GAB2: variants seen among roughly 807,000 people sequenced by gnomAD.
GAB2 encodes GRB2 associated binding protein 2.
GAB2 carries 26 observed loss-of-function variants against 65.5 expected under a neutral mutation model. That is an observed-to-expected ratio of 0.40 (90% confidence interval 0.29 to 0.55). GAB2 has a LOEUF of 0.55. Among genes scored for constraint, GAB2 ranks in the 20% least tolerant of loss-of-function variants. The pLI is 0.53. For synonymous variants in GAB2, 321 were observed against 329.6 expected (o/e 0.97, Z 0.28); for missense variants, 884 against 875.8 (o/e 1.01, Z -0.12).
At chr11:78,366,361 C>A (rs184354425) in intron 1 of GAB2, among the ~76,000 whole-genome samples, 1,865 of 152,118 alleles carry the variant, frequency 0.012, 32 homozygotes, top group African/African-American at 0.042. Context: ...AGGTGGATCA[C>A]CTGAGGTCAG....
chr11:78,305,073 T>C (rs1371056533), intron 1 of GAB2, among the ~76,000 whole-genome samples: 1 of 152,238 alleles, frequency 6.6e-6, no homozygotes, highest in African/African-American at 2.4e-5. Flanking sequence ...GAATGCCAAC[T>C]GAGGACTCAG....
Position 78,223,573 on chromosome 11 carries a change from C to A in GAB2, c.1406G>T (p.Gly469Val). 1 of 1,613,800 alleles carries A rather than the reference C, an allele frequency of 6.2e-7. No individual in the cohort carries two copies. The highest frequency in any genetic ancestry group is 8.5e-7 in the Non-Finnish European group (1 of 1,179,878). ...SSTLLAMERA[G>V]DNSQSVYIPM... The stretch of plus-strand genomic sequence containing the variant: ...GATGTAGACGCTCTGGGAATTATCA[C>A]CTGCTCGTTCCATGGCCAACAGGGT... Residue 469 changes from glycine to valine, a missense_variant, in exon 6 of 10, where the codon GGT becomes GTT. By Grantham distance (109) the Gly-to-Val change is moderately radical (BLOSUM62 -3). Coordinates refer to ENST00000361507, the MANE Select transcript of GAB2 (RefSeq NM_080491.3).
intron 2 of GAB2, among the ~76,000 whole-genome samples, chr11:78,263,568 G>T (rs1208135601): frequency 6.6e-6 from 1 of 151,002 alleles, no homozygotes; most frequent in Non-Finnish European, 1.5e-5. Context: ...AGGAGGCAGA[G>T]GTTGCAGTGA....
At chr11:78,350,709 C>T (rs930766944) in intron 1 of GAB2, among the ~76,000 whole-genome samples, 1 of 152,138 alleles carries the variant, frequency 6.6e-6, no homozygotes, top group African/African-American at 2.4e-5. Flanking sequence ...CTGGTTGTTC[C>T]TCATTTCCAT....
chr11:78,332,285 T>G (rs1855928666), intron 1 of GAB2, among the ~76,000 whole-genome samples: 1 of 152,036 alleles, frequency 6.6e-6, no homozygotes, highest in African/African-American at 2.4e-5. Context: ...AGGCCCCTGG[T>G]TTTTAAAGAA....
intron 3 of GAB2, among the ~76,000 whole-genome samples, chr11:78,228,476 CATA>C (rs375666351): frequency 1.2e-3 from 185 of 152,264 alleles, no homozygotes; most frequent in African/African-American, 4.3e-3. Flanking sequence ...GGCTGTAATA[CATA>C]ATAGCCCTCT....
intron 2 of GAB2, among the ~76,000 whole-genome samples, chr11:78,262,124 G>C (rs1437571121): frequency 2.0e-5 from 3 of 152,152 alleles, no homozygotes; most frequent in Admixed American, 1.3e-4. Flanking sequence ...GTATAGTGTG[G>C]ATGGCTAGGC....
intron 1 of GAB2, among the ~76,000 whole-genome samples, chr11:78,391,354 CT>C (rs1856831952): frequency 6.6e-6 from 1 of 152,186 alleles, no homozygotes; most frequent in Non-Finnish European, 1.5e-5. Flanking sequence ...GATACTCCAT[CT>C]ACCAAGAGGT....
At chr11:78,384,072 GA>G (rs1856734070) in intron 1 of GAB2, among the ~76,000 whole-genome samples, 1 of 152,148 alleles carries the variant, frequency 6.6e-6, no homozygotes, top group African/African-American at 2.4e-5. Context: ...GTGTTCTTGG[GA>G]AGATCTATTC....
chr11:78,275,709 C>T (rs1333661212), intron 2 of GAB2, among the ~76,000 whole-genome samples: 1 of 152,040 alleles, frequency 6.6e-6, no homozygotes, highest in Non-Finnish European at 1.5e-5. Context: ...TTTAAAAAGG[C>T]TTAAGAAAAT....
chr11:78,336,495 T>TG, intron 1 of GAB2, among the ~76,000 whole-genome samples: 1 of 148,886 alleles, frequency 6.7e-6, no homozygotes, highest in South Asian at 2.1e-4. Flanking sequence ...TTTTTTTTTT[T>TG]GGTGAAGTCT....
intron 1 of GAB2, among the ~76,000 whole-genome samples, chr11:78,315,838 G>A (rs1313171318): frequency 2.6e-5 from 4 of 152,146 alleles, no homozygotes; most frequent in Admixed American, 2.6e-4. Flanking sequence ...GATGGCTGGC[G>A]AAGTACTGTT....
At chr11:78,328,723 A>G (rs1855866224) in intron 1 of GAB2, among the ~76,000 whole-genome samples, 1 of 149,062 alleles carries the variant, frequency 6.7e-6, no homozygotes, top group Admixed American at 6.7e-5. Context: ...AAAACAGGCA[A>G]AACTAATCTA....
At chr11:78,294,146 T>C (rs562269727) in intron 1 of GAB2, among the ~76,000 whole-genome samples, 2 of 152,220 alleles carry the variant, frequency 1.3e-5, no homozygotes, top group South Asian at 2.1e-4. Flanking sequence ...TCAATTCCCA[T>C]CTATGAGTGA....
At chr11:78,354,297 C>G (rs546699084) in intron 1 of GAB2, among the ~76,000 whole-genome samples, 1 of 152,124 alleles carries the variant, frequency 6.6e-6, no homozygotes, top group African/African-American at 2.4e-5. Context: ...AGTCTTATTG[C>G]TTACTTCTCT....
At chr11:78,244,614 A>G (rs1431893357) in intron 3 of GAB2, among the ~76,000 whole-genome samples, 1 of 151,168 alleles carries the variant, frequency 6.6e-6, no homozygotes, top group Non-Finnish European at 1.5e-5. Context: ...AAATTAGCTG[A>G]AAATAGTTAT....
chr11:78,320,539 T>C (rs1386591506), intron 1 of GAB2, among the ~76,000 whole-genome samples: 3 of 152,104 alleles, frequency 2.0e-5, no homozygotes, highest in Non-Finnish European at 4.4e-5. Context: ...CTCTGGCTGC[T>C]GTGTGAAAAG....
chr11:78,375,892 C>T (rs1856625912), intron 1 of GAB2, among the ~76,000 whole-genome samples: 1 of 152,166 alleles, frequency 6.6e-6, no homozygotes, highest in African/African-American at 2.4e-5. Flanking sequence ...CTGGTGCCTG[C>T]CAGATGTGCT....
chr11:78,410,428 TG>T (rs986902245), intron 1 of GAB2, among the ~76,000 whole-genome samples: 5 of 152,198 alleles, frequency 3.3e-5, no homozygotes, highest in Admixed American at 3.3e-4. Flanking sequence ...TGCTGGAACC[TG>T]GGAGGTGGAG....
Sources: gnomAD v4.1 joint callset for allele counts (sites outside exome capture counted in the v4.1 genomes callset) on GRCh38, gnomAD v4.1.1 for gene constraint, MANE v1.5 for transcripts, NCBI Gene and HGNC (gene_info 2026-07-23, HGNC 2026-07-21) for gene names.